The following TNKS variants were observed in gnomAD, a reference collection of about 807,000 sequenced individuals.
TNKS encodes the protein poly [ADP-ribose] polymerase tankyrase-1.
TNKS carries 72 observed loss-of-function variants against 135.8 expected under a neutral mutation model. That is an observed-to-expected ratio of 0.53 (90% CI 0.44 to 0.64). The LOEUF is 0.64. Among genes scored for constraint, TNKS ranks in the 30% least tolerant of loss-of-function variants. The pLI is 0.00. For missense variants in TNKS, 1,769 were observed against 1,674.0 expected (o/e 1.06, Z -0.99); for synonymous variants, 849 against 649.3 (o/e 1.31, Z -4.68).
intron 26 of TNKS, among the ~76,000 whole-genome samples, chr8:9,776,164 C>T (rs1808217102): frequency 6.6e-6 from 1 of 152,214 alleles, no homozygotes; most frequent in African/African-American, 2.4e-5. Context: ...TGTTCCCAAA[C>T]TGTTGTTTCT....
Position 9,735,034 on chromosome 8 carries a change from T to C in TNKS, c.2483T>C (p.Ile828Thr). Reference sequence around the variant, plus strand: ...CAGAAGCTCTGTACCCCAGAGAATATCAACTGCAGAGACACCCAGGGCAGA... The same window carrying C: ...CAGAAGCTCTGTACCCCAGAGAATACCAACTGCAGAGACACCCAGGGCAGA... ...RVQKLCTPENINCRDTQGRNS... is the reference protein window; with the variant it reads ...RVQKLCTPENTNCRDTQGRNS... The change falls in exon 16 of 27, where the codon ATC (isoleucine) becomes ACC (threonine). Residue 828 changes from isoleucine (I) to threonine (T), a missense_variant. By Grantham distance (89) the Ile-to-Thr change is moderately conservative. Coordinates refer to ENST00000310430, the MANE Select transcript of TNKS (RefSeq NM_003747.3). 2 of 1,614,108 alleles carry C rather than the reference T, an allele frequency of 1.2e-6. No homozygotes were observed. Among genetic ancestry groups the C allele is most frequent in the Non-Finnish European group, 1.7e-6 (2 of 1,180,010 alleles).
intron 3 of TNKS, among the ~76,000 whole-genome samples, chr8:9,671,738 C>G (rs549111257): frequency 6.6e-6 from 1 of 152,240 alleles, no homozygotes; most frequent in South Asian, 2.1e-4. Flanking sequence ...GTGAATTTAA[C>G]TATATGTAAA....
Position 9,779,023 on chromosome 8 carries a change from T to C in TNKS, c.*2287T>C, listed in dbSNP as rs920462298. On this transcript the variant is annotated 3_prime_UTR_variant, in exon 27 of 27. Transcript: ENST00000310430. ...TAAACTGCCAGTGTTATACGTCTCA[T>C]GCTCTGTGTGCCAGGTGAAGGTACT... The C allele has an allele frequency of 2.6e-5, 4 of 152,326 alleles. No homozygotes were observed. Among genetic ancestry groups the C allele is most frequent in the Non-Finnish European group, 5.9e-5 (4 of 68,040 alleles). 9.4% of individuals were successfully genotyped at this position (152,326 alleles called of 1,614,324 possible).
intron 11 of TNKS, among the ~76,000 whole-genome samples, chr8:9,717,829 A>C (rs950924830): frequency 2.0e-5 from 3 of 152,194 alleles, no homozygotes; most frequent in African/African-American, 7.2e-5. Flanking sequence ...TCAGAGGAAT[A>C]AACAGTTATT....
Position 9,734,877 on chromosome 8 carries a change from C to G in TNKS, c.2326C>G (p.Pro776Ala). ...CKLLLKHGAD[P>A]TKKNRDGNTP... The stretch of plus-strand genomic sequence containing the variant: ...TTCTTCTTTGTAGCATGGAGCAGAT[C>G]CAACTAAAAAGAACAGAGATGGAAA... Residue 776 changes from proline to alanine, a missense_variant, in exon 16 of 27, where the codon CCA becomes GCA. Coordinates refer to ENST00000310430, the MANE Select transcript of TNKS (RefSeq NM_003747.3). The G allele has an allele frequency of 6.2e-7, 1 of 1,613,696 alleles. No individual in the cohort carries two copies. Among genetic ancestry groups the G allele is most frequent in the Non-Finnish European group, 8.5e-7 (1 of 1,179,810 alleles).
intron 5 of TNKS, among the ~76,000 whole-genome samples, chr8:9,682,320 C>T (rs891933839): frequency 6.6e-6 from 1 of 152,100 alleles, no homozygotes; most frequent in Non-Finnish European, 1.5e-5. Flanking sequence ...CTGTCACAGC[C>T]TCGTTTTCCC....
chr8:9,758,723 G>C (rs973600197), intron 20 of TNKS, among the ~76,000 whole-genome samples: 1 of 152,202 alleles, frequency 6.6e-6, no homozygotes, highest in Non-Finnish European at 1.5e-5. Flanking sequence ...AGTGTTGGTT[G>C]ACTGGCCTTG....
chr8:9,591,333 A>C (rs1306003261), intron 2 of TNKS, among the ~76,000 whole-genome samples: 1 of 152,038 alleles, frequency 6.6e-6, no homozygotes, highest in Non-Finnish European at 1.5e-5. Flanking sequence ...CATTGTATGG[A>C]TGTAGCACAG....
intron 5 of TNKS, among the ~76,000 whole-genome samples, chr8:9,688,678 C>T (rs546390414): frequency 6.0e-4 from 91 of 152,016 alleles, no homozygotes; most frequent in Non-Finnish European, 1.2e-3. Context: ...CTTGCACTGT[C>T]GCCCAGGCTG....
At position 9,556,103 on chromosome 8, in the gene TNKS, C is replaced by A. The variant is rs1815277220; in HGVS notation, c.164C>A (p.Pro55His). The change falls in exon 1 of 27, where the codon CCC (proline) becomes CAC (histidine). Residue 55 changes from proline to histidine, a missense_variant. By Grantham distance (77) the Pro-to-His change is moderately conservative. Transcript: ENST00000310430. ...TCTCCCACGGCCAGCGGCCTGGCCC[C>A]CTTCGCCTCCCCGCGGCACGGCCTA... ...PASPTASGLA[P>H]FASPRHGLAL... is the part of the protein sequence containing the mutation. 1 of 1,601,066 alleles carries A rather than the reference C, an allele frequency of 6.2e-7. No homozygotes were observed. The highest frequency in any genetic ancestry group is 8.5e-7 in the Non-Finnish European group (1 of 1,174,398).
intron 5 of TNKS, among the ~76,000 whole-genome samples, chr8:9,697,597 A>G (rs980276005): frequency 2.0e-5 from 3 of 152,108 alleles, no homozygotes; most frequent in Non-Finnish European, 4.4e-5. Context: ...ATTCAAAGCA[A>G]AAACCAGTCC....
chr8:9,718,848 T>C (rs553281046), intron 11 of TNKS, among the ~76,000 whole-genome samples: 1 of 152,284 alleles, frequency 6.6e-6, no homozygotes, highest in Non-Finnish European at 1.5e-5. Flanking sequence ...ATAATCACTT[T>C]AGTGCTGAAT....
At chr8:9,634,678 C>T (rs987674680) in intron 3 of TNKS, among the ~76,000 whole-genome samples, 25 of 152,104 alleles carry the variant, frequency 1.6e-4, no homozygotes, top group Non-Finnish European at 1.5e-4. Context: ...AGAATCACTG[C>T]GGGAAACAAA....
chr8:9,732,525 T>C (rs1003406261), intron 14 of TNKS, among the ~76,000 whole-genome samples: 4 of 151,158 alleles, frequency 2.6e-5, no homozygotes, highest in Admixed American at 1.3e-4. Flanking sequence ...TGGAGAGCAA[T>C]CAGCATTTGC....
chr8:9,653,051 G>A (rs932811551), intron 3 of TNKS, among the ~76,000 whole-genome samples: 1 of 152,136 alleles, frequency 6.6e-6, no homozygotes, highest in Non-Finnish European at 1.5e-5. Context: ...GTTTCATGCA[G>A]TTTCCATGGA....
At chr8:9,634,591 T>TAGA (rs1039119542) in intron 3 of TNKS, among the ~76,000 whole-genome samples, 2 of 152,178 alleles carry the variant, frequency 1.3e-5, no homozygotes, top group African/African-American at 4.8e-5. Context: ...GCTCTTACTG[T>TAGA]AGAAGAAGAA....
intron 3 of TNKS, chr8:9,658,416 C>T (rs138284240): frequency 0.063 from 80,078 of 1,262,264 alleles, 3,150 homozygotes; most frequent in South Asian, 0.16. Context: ...TCCATCCTCC[C>T]GGCGGTCGGG....
intron 3 of TNKS, among the ~76,000 whole-genome samples, chr8:9,662,319 A>G (rs1335429508): frequency 2.0e-5 from 3 of 152,232 alleles, no homozygotes; most frequent in African/African-American, 7.2e-5. Flanking sequence ...GGCACTATTC[A>G]CAATAGCAAA....
At chr8:9,665,250 G>T (rs926306170) in intron 3 of TNKS, among the ~76,000 whole-genome samples, 2 of 152,144 alleles carry the variant, frequency 1.3e-5, no homozygotes, top group Admixed American at 6.5e-5. Context: ...GGCTAGTCTG[G>T]AGTCAGTTTT....
Sources: allele counts gnomAD v4.1 joint callset (sites outside exome capture counted in the v4.1 genomes callset), GRCh38; gene constraint gnomAD v4.1.1; transcripts MANE v1.5; gene names NCBI Gene and HGNC (gene_info 2026-07-23, HGNC 2026-07-21).